Variants in EPB41 observed in about 807,000 individuals in gnomAD.
EPB41 encodes erythrocyte membrane protein band 4.1.
In EPB41, 65 loss-of-function variants were observed where a neutral mutation model predicts 108.0. That is an observed-to-expected ratio of 0.60 (90% CI 0.49 to 0.74). The LOEUF (loss-of-function observed/expected upper bound fraction) is 0.74. EPB41 is among the 30% of genes least tolerant of loss of function. The pLI is 0.00. For missense variants in EPB41, 875 were observed against 1,037.0 expected, an observed-to-expected ratio of 0.84 and a Z score of 2.15; for synonymous variants, 336 against 358.9, an observed-to-expected ratio of 0.94 and a Z score of 0.72.
At chr1:29,047,774 G>A (rs1336556701) in intron 11 of EPB41, among the ~76,000 whole-genome samples, 2 of 151,564 alleles carry the variant, frequency 1.3e-5, no homozygotes, top group African/African-American at 4.8e-5. Flanking sequence ...ATTTATGTAT[G>A]TATGTATGTA....
intron 18 of EPB41, among the ~76,000 whole-genome samples, chr1:29,111,789 C>T (rs113564111): frequency 4.3e-4 from 65 of 152,052 alleles, no homozygotes; most frequent in African/African-American, 1.5e-3. Flanking sequence ...CCAGCCTGGC[C>T]AACATAGTGA....
intron 1 of EPB41, among the ~76,000 whole-genome samples, chr1:28,971,163 T>TC (rs1483979017): frequency 3.6e-4 from 51 of 143,438 alleles, no homozygotes; most frequent in Non-Finnish European, 7.1e-4. Context: ...TAATCTTTTT[T>TC]TTTTCTTTCT....
At chr1:29,062,823 C>G (rs1646785743) in intron 15 of EPB41, among the ~76,000 whole-genome samples, 1 of 152,088 alleles carries the variant, frequency 6.6e-6, no homozygotes, top group African/African-American at 2.4e-5. Flanking sequence ...TGGAACAGGT[C>G]CCTTTGAGAT....
intron 16 of EPB41, chr1:29,071,174 A>G (rs1304944504): frequency 6.6e-6 from 1 of 152,260 alleles, no homozygotes; most frequent in African/African-American, 2.4e-5. Flanking sequence ...CTTTTCTGGA[A>G]AAGGGCTTTT....
chr1:29,024,021 A>G (rs1367296892), intron 7 of EPB41, among the ~76,000 whole-genome samples: 3 of 151,990 alleles, frequency 2.0e-5, no homozygotes, highest in Non-Finnish European at 4.4e-5. Context: ...ATATAGTGAG[A>G]GTTCAAATAT....
At position 29,047,544 on chromosome 1, in the gene EPB41, G is replaced by A. The variant is rs188485465; in HGVS notation, c.1637-5560G>A. 7.0e-3 allele frequency among the ~76,000 whole-genome samples: 1,062 copies of A among 151,356 alleles called. 6 individuals are homozygous for A. Among genetic ancestry groups the A allele is most frequent in the Non-Finnish European group, 0.01 (688 of 67,920 alleles). On this transcript the variant is annotated intron_variant, in intron 11 of 20. Coordinates refer to ENST00000343067, the MANE Select transcript of EPB41 (RefSeq NM_001376013.1). ...GCTGGGATTATAGGTGTGAGTCATC[G>A]CACCTGGCCTAGTTGTGTTTTTCTA...
At chr1:29,087,670 C>T (rs1164855100) in intron 16 of EPB41, among the ~76,000 whole-genome samples, 1 of 152,096 alleles carries the variant, frequency 6.6e-6, no homozygotes, top group African/African-American at 2.4e-5. Context: ...CCATATCCTG[C>T]TTTTAATAAT....
At chr1:28,969,775 C>T (rs1188509077) in intron 1 of EPB41, among the ~76,000 whole-genome samples, 1 of 152,068 alleles carries the variant, frequency 6.6e-6, no homozygotes, top group East Asian at 1.9e-4. Context: ...GCGGTGGGCA[C>T]CTGTAGTCCC....
chr1:29,052,489 T>C (rs2150740653), intron 11 of EPB41, among the ~76,000 whole-genome samples: 1 of 152,316 alleles, frequency 6.6e-6, no homozygotes, highest in Non-Finnish European at 1.5e-5. Flanking sequence ...GATTTTGAAT[T>C]TGTGTTATTT....
intron 10 of EPB41, among the ~76,000 whole-genome samples, chr1:29,038,369 C>G (rs1640284703): frequency 6.6e-6 from 1 of 152,148 alleles, no homozygotes. Context: ...TAGATTTCAG[C>G]TGCAGCCAGT....
At chr1:28,930,609 C>G (rs1017679335) in intron 1 of EPB41, among the ~76,000 whole-genome samples, 1 of 151,976 alleles carries the variant, frequency 6.6e-6, no homozygotes, top group African/African-American at 2.4e-5. Flanking sequence ...CTCAGACCCC[C>G]TAGTAGCTGG....
intron 1 of EPB41, chr1:28,902,294 T>C (rs543062288): frequency 1.8e-5 from 18 of 985,430 alleles, no homozygotes; most frequent in Middle Eastern, 1.0e-3. Context: ...TCAATTGGAG[T>C]GCCCAAATCT....
chr1:28,968,561 G>A (rs904912991), intron 1 of EPB41, among the ~76,000 whole-genome samples: 1 of 151,882 alleles, frequency 6.6e-6, no homozygotes, highest in African/African-American at 2.4e-5. Context: ...ATATTCCCAG[G>A]GCTTAGAAAA....
intron 1 of EPB41, among the ~76,000 whole-genome samples, chr1:28,984,040 T>G (rs1253457047): frequency 7.3e-6 from 1 of 136,880 alleles, no homozygotes; most frequent in Non-Finnish European, 1.6e-5. Flanking sequence ...CGGGGGTGGG[T>G]AGATTATCTT....
intron 16 of EPB41, among the ~76,000 whole-genome samples, chr1:29,094,600 T>C (rs944904635): frequency 6.6e-6 from 1 of 152,236 alleles, no homozygotes; most frequent in Non-Finnish European, 1.5e-5. Context: ...TTGGTTACTG[T>C]AGCGTTGTAG....
intron 4 of EPB41, among the ~76,000 whole-genome samples, chr1:29,010,010 G>C (rs767315345): frequency 6.6e-6 from 1 of 152,166 alleles, no homozygotes; most frequent in African/African-American, 2.4e-5. Flanking sequence ...TGTTGGTAGA[G>C]GGTGAGGAAG....
At chr1:28,907,399 C>T (rs900562870) in intron 1 of EPB41, among the ~76,000 whole-genome samples, 5 of 151,648 alleles carry the variant, frequency 3.3e-5, no homozygotes, top group African/African-American at 7.3e-5. Context: ...GGGGTCTCAC[C>T]GTTACCCAGG....
intron 16 of EPB41, among the ~76,000 whole-genome samples, chr1:29,080,045 C>T (rs961961008): frequency 2.2e-4 from 33 of 151,926 alleles, no homozygotes; most frequent in Admixed American, 3.9e-4. Context: ...TTCCCCAATT[C>T]ACAGCTTTTT....
rs1346577353 is a variant in EPB41 at position 28,887,771 on chromosome 1, GC to G, written c.-8+568del. On this transcript the variant is annotated intron_variant, in intron 1 of 16. Transcript: ENST00000347529. The surrounding 1 kb of genome is among the most constrained non-coding windows in gnomAD (Gnocchi z 4.9). ...GGCGCCGGCTGTGCCCGCCAGGGTG[GC>G]CCCCCCGGCCGTCGCGCCAGCCCCA... 85 of 813,092 alleles carry G rather than the reference GC, an allele frequency of 1.0e-4. No homozygotes were observed. The highest frequency in any genetic ancestry group is 2.5e-4 in the East Asian group (2 of 8,024). The allele number at this position is 813,092 out of a possible 1,614,324, so 50.4% of individuals were successfully genotyped here. A position where few individuals can be genotyped will look rare whatever the true frequency, so the allele number is the denominator to read the frequency against.
Sources: allele counts gnomAD v4.1 joint callset (sites outside exome capture counted in the v4.1 genomes callset), GRCh38; gene constraint gnomAD v4.1.1; non-coding constraint Gnocchi (gnomAD v3.1); transcripts MANE v1.5; gene names NCBI Gene and HGNC (gene_info 2026-07-23, HGNC 2026-07-21).